The following KATNAL1 variants were observed in gnomAD, a reference collection of about 807,000 sequenced individuals.
KATNAL1 encodes katanin catalytic subunit A1 like 1.
In KATNAL1, 32 loss-of-function variants were observed where a neutral mutation model predicts 55.2. That is an observed-to-expected ratio of 0.58 (90% CI 0.44 to 0.78). The LOEUF (loss-of-function observed/expected upper bound fraction) is 0.78. Ranked by LOEUF, KATNAL1 falls within the 30% of genes least tolerant of loss-of-function variation. The probability of loss-of-function intolerance (pLI) is 0.00; values close to 1 mark genes in which losing one functional copy is unlikely to be tolerated. For synonymous variants in KATNAL1, 193 were observed against 193.6 expected (o/e 1.00, Z 0.02); for missense variants, 466 against 600.9 (o/e 0.78, Z 2.35).
intron 1 of KATNAL1, among the ~76,000 whole-genome samples, chr13:30,299,564 A>C (rs1031224663): frequency 5.3e-5 from 8 of 152,154 alleles, no homozygotes; most frequent in African/African-American, 1.9e-4. Flanking sequence ...ATAGTTTTTT[A>C]AATCTCCTTT....
intron 3 of KATNAL1, among the ~76,000 whole-genome samples, chr13:30,274,907 G>GCGCGCGCACA (rs869107567): frequency 1.7e-3 from 178 of 105,420 alleles, no homozygotes; most frequent in African/African-American, 2.1e-3. Context: ...GCGCGCGCGC[G>GCGCGCGCACA]CACACACACA....
intron 1 of KATNAL1, among the ~76,000 whole-genome samples, chr13:30,306,453 AGG>A (rs11301540): frequency 1.3e-5 from 2 of 150,800 alleles, no homozygotes; most frequent in African/African-American, 2.4e-5. Flanking sequence ...CAGGCTGGCA[AGG>A]GGGGGGTGGG....
chr13:30,231,304 C>A lies in KATNAL1; in HGVS notation c.885+10G>T, dbSNP rs181828041. On this transcript the variant is annotated intron_variant, in intron 7 of 10. Transcript: ENST00000380615. ...ACACTACTTTGAAATCTGAATATAT[C>A]GTCACTCACCATCTCAAACAACAGA... The A allele has an allele frequency of 6.5e-4, 1,040 of 1,599,088 alleles. 1 individual carries two copies. Among genetic ancestry groups the A allele is most frequent in the Admixed American group, 3.8e-3 (226 of 58,754 alleles).
chr13:30,259,840 G>A (rs1879120730), intron 3 of KATNAL1, among the ~76,000 whole-genome samples: 1 of 152,250 alleles, frequency 6.6e-6, no homozygotes, highest in African/African-American at 2.4e-5. Context: ...AAACAAAGCA[G>A]CCGGGAAGCT....
chr13:30,224,117 G>A (rs568486717), intron 9 of KATNAL1, among the ~76,000 whole-genome samples: 167 of 152,200 alleles, frequency 1.1e-3, no homozygotes, highest in African/African-American at 3.8e-3. Flanking sequence ...ACCAAAGAAA[G>A]GGGATAAAAA....
intron 6 of KATNAL1, among the ~76,000 whole-genome samples, chr13:30,235,106 C>T (rs543025157): frequency 7.9e-5 from 12 of 152,300 alleles, no homozygotes; most frequent in African/African-American, 2.2e-4. Context: ...CAATTGATCA[C>T]GTGAGCTTCC....
chr13:30,213,138 C>T (rs369431552), intron 9 of KATNAL1, among the ~76,000 whole-genome samples: 11 of 152,114 alleles, frequency 7.2e-5, no homozygotes, highest in South Asian at 6.2e-4. Context: ...GAGAATACTA[C>T]AAACACCTCT....
At chr13:30,279,547 T>C (rs1240204487) in intron 3 of KATNAL1, among the ~76,000 whole-genome samples, 1 of 152,146 alleles carries the variant, frequency 6.6e-6, no homozygotes, top group Non-Finnish European at 1.5e-5. Context: ...TTAACGTAAA[T>C]GATGCACAGG....
chr13:30,257,606 C>G (rs1037143644), intron 3 of KATNAL1, among the ~76,000 whole-genome samples: 1 of 152,172 alleles, frequency 6.6e-6, no homozygotes, highest in East Asian at 1.9e-4. Context: ...ATTCAATGGC[C>G]GCCTAGGAGT....
chr13:30,296,249 G>A (rs956098525), intron 1 of KATNAL1: 2 of 1,155,646 alleles, frequency 1.7e-6, no homozygotes, highest in African/African-American at 1.6e-5. Context: ...AGACTACAAA[G>A]GGAAGTACGT....
In KATNAL1 at chr13:30,204,709, T is replaced by G. The variant is rs1392783742; in HGVS notation, c.*3831A>C. The G allele has an allele frequency of 6.6e-6, 1 of 152,216 alleles. No individual in the cohort carries two copies. The highest frequency in any genetic ancestry group is 1.9e-4 in the East Asian group (1 of 5,196). 9.4% of individuals were successfully genotyped at this position (152,216 alleles called of 1,614,324 possible). A position where few individuals can be genotyped will look rare whatever the true frequency, so the allele number is the denominator to read the frequency against. The stretch of plus-strand genomic sequence containing the variant: ...TGTCCATAGATTCACCAGGTATTGG[T>G]TTGCTTACTTTTTGAGTAATTCGTG... On this transcript the variant is annotated 3_prime_UTR_variant, in exon 11 of 11. Coordinates refer to ENST00000380615, the MANE Select transcript of KATNAL1 (RefSeq NM_032116.5).
At chr13:30,296,697 G>A (rs1882524212) in intron 1 of KATNAL1, 3 of 619,212 alleles carry the variant, frequency 4.8e-6, no homozygotes, top group East Asian at 3.6e-5. Context: ...TAAGCTCAAC[G>A]TGGATGACGG....
At chr13:30,215,317 A>G (rs1409846578) in intron 9 of KATNAL1, among the ~76,000 whole-genome samples, 1 of 152,208 alleles carries the variant, frequency 6.6e-6, no homozygotes, top group African/African-American at 2.4e-5. Flanking sequence ...ACACTTTTAC[A>G]CTGTTGATGG....
rs145747601 is a variant in KATNAL1, at chr13:30,204,911, A to G, written c.*3629T>C. 225 of 152,286 alleles carry G rather than the reference A, an allele frequency of 1.5e-3. No individual in the cohort carries two copies. The highest frequency in any genetic ancestry group is 5.1e-3 in the African/African-American group (210 of 41,550). 9.4% of individuals were successfully genotyped at this position (152,286 alleles called of 1,614,324 possible). ...GATAAAGTCTGTGATGCCACCATCT[A>G]TTGTCTACTTGGATCACTAGAAGGT... On this transcript the variant is annotated 3_prime_UTR_variant, in exon 11 of 11. Transcript: ENST00000380615.
At chr13:30,210,600 C>A in intron 9 of KATNAL1, 158 bp from the exon 10 acceptor site, 51 of 210,140 alleles carry the variant, frequency 2.4e-4, no homozygotes, top group East Asian at 1.3e-3. Context: ...CTGCATGACT[C>A]ATGGAATCAT....
chr13:30,268,927 CAAAT>C (rs932455543), intron 3 of KATNAL1, among the ~76,000 whole-genome samples: 3 of 152,040 alleles, frequency 2.0e-5, no homozygotes, highest in African/African-American at 7.2e-5. Context: ...AAGCAGCAAA[CAAAT>C]AAAAGGCCCT....
intron 9 of KATNAL1, among the ~76,000 whole-genome samples, chr13:30,223,334 C>T (rs1337889911): frequency 2.7e-5 from 4 of 148,224 alleles, no homozygotes; most frequent in Non-Finnish European, 5.9e-5. Context: ...CCCAGCTACT[C>T]GGGAGGCTGA....
chr13:30,233,360 T>C lies in KATNAL1; in HGVS notation c.727-1888A>G, dbSNP rs1876301653. 2.0e-5 allele frequency among the ~76,000 whole-genome samples: 3 copies of C among 152,168 alleles called. No homozygotes were observed. The South Asian group carries it at 6.2e-4, about 31-fold the overall frequency. On this transcript the variant is annotated intron_variant, in intron 6 of 10. Coordinates refer to ENST00000380615, the MANE Select transcript of KATNAL1 (RefSeq NM_032116.5). ...GTCCAATAGATACATGAAAAAATGC[T>C]CAACATCACTAATCATTAGAGAAAT...
intron 3 of KATNAL1, among the ~76,000 whole-genome samples, chr13:30,261,491 A>G (rs1009193933): frequency 9.2e-5 from 14 of 152,218 alleles, no homozygotes; most frequent in Non-Finnish European, 1.6e-4. Flanking sequence ...GCAGAGACAC[A>G]CATAGGCTCA....
Sources: allele counts gnomAD v4.1 joint callset (sites outside exome capture counted in the v4.1 genomes callset), GRCh38; gene constraint gnomAD v4.1.1; transcripts MANE v1.5; gene names NCBI Gene and HGNC (gene_info 2026-07-23, HGNC 2026-07-21).